Variants in LARP1 observed in about 807,000 individuals in gnomAD.
LARP1 encodes La ribonucleoprotein 1, translational regulator.
A neutral mutation model predicts 122.7 loss-of-function variants in LARP1; 36 were observed. The ratio of observed to expected loss-of-function variants is 0.29; its 90% confidence interval spans 0.22 to 0.39. LARP1 has a LOEUF of 0.39. Ranked by LOEUF, LARP1 falls within the 10% of genes least tolerant of loss-of-function variation. LARP1 has a pLI of 1.00. For missense variants in LARP1, 1,040 were observed against 1,403.6 expected (o/e 0.74, Z 4.14); for synonymous variants, 539 against 528.7 (o/e 1.02, Z -0.27).
At chr5:154,790,277 C>T (rs1221885376) in intron 1 of LARP1, 48 bp from the exon 2 acceptor site, 1 of 1,512,630 alleles carries the variant, frequency 6.6e-7, no homozygotes, top group Non-Finnish European at 9.1e-7. Flanking sequence ...GGCAGTAGCC[C>T]CCTCACATGG....
At chr5:154,722,330 C>T (rs1286736393) in intron 1 of LARP1, among the ~76,000 whole-genome samples, 4 of 152,142 alleles carry the variant, frequency 2.6e-5, no homozygotes, top group Non-Finnish European at 5.9e-5. Flanking sequence ...AATAGTGCAA[C>T]ACCAGGGAGC....
intron 3 of LARP1, 108 bp from the exon 4 acceptor site, chr5:154,792,514 A>C: frequency 1.0e-6 from 1 of 964,806 alleles, no homozygotes; most frequent in East Asian, 2.4e-5. Flanking sequence ...CCAGCCTGCC[A>C]TTGCATGCTG....
intron 8 of LARP1, among the ~76,000 whole-genome samples, chr5:154,796,121 TTA>T (rs1313936487): frequency 1.1e-4 from 11 of 104,246 alleles, no homozygotes; most frequent in East Asian, 2.5e-4. Context: ...AGTATATATA[TTA>T]TATATATTTT....
At chr5:154,704,186 T>C (rs1340852152) in intron 1 of LARP1, among the ~76,000 whole-genome samples, 1 of 152,212 alleles carries the variant, frequency 6.6e-6, no homozygotes, top group Non-Finnish European at 1.5e-5. Context: ...AATGGGTTAA[T>C]TACAAGTACG....
intron 3 of LARP1, 86 bp downstream of exon 3, chr5:154,790,796 C>A: frequency 8.6e-7 from 1 of 1,157,696 alleles, no homozygotes; most frequent in Non-Finnish European, 1.3e-6. Flanking sequence ...AGCCTCAGCT[C>A]TTACCTTTCT....
chr5:154,693,781 G>A (rs1754337384), intron 1 of LARP1, among the ~76,000 whole-genome samples: 1 of 151,512 alleles, frequency 6.6e-6, no homozygotes, highest in African/African-American at 2.4e-5. Flanking sequence ...GCGTGAACTG[G>A]AGAGGCGGAG....
intron 15 of LARP1, among the ~76,000 whole-genome samples, chr5:154,806,383 T>C (rs1274532099): frequency 6.6e-6 from 1 of 152,206 alleles, no homozygotes; most frequent in Admixed American, 6.5e-5. Flanking sequence ...TGACATATGC[T>C]CTCTAGAACA....
In LARP1 at chr5:154,814,575, G is replaced by C. The variant is rs1759543056; in HGVS notation, c.*479G>C. The C allele has an allele frequency of 6.6e-6, 1 of 152,584 alleles. No homozygotes were observed. The highest frequency in any genetic ancestry group is 1.5e-5 in the Non-Finnish European group (1 of 68,096). The allele number at this position is 152,584 out of a possible 1,614,324, so 9.5% of individuals were successfully genotyped here. A position where few individuals can be genotyped will look rare whatever the true frequency, so the allele number is the denominator to read the frequency against. On this transcript the variant is annotated 3_prime_UTR_variant, in exon 19 of 19. Coordinates refer to ENST00000518297, the MANE Select transcript of LARP1 (RefSeq NM_033551.3). ...CAGCACTGTCTCATAGAAGGCTCTG[G>C]TGGTACCTCTGGGCCCCAGGAGCAT...
In LARP1 at chr5:154,805,570, C is replaced by T. The variant is rs1404083892; in HGVS notation, c.2547-311C>T. 2.6e-5 allele frequency among the ~76,000 whole-genome samples: 4 copies of T among 152,318 alleles called. No homozygotes were observed. The East Asian group carries it at 5.8e-4, about 22-fold the overall frequency. ...TGATGGCTCATTAAAAGGTTAAATG[C>T]TTAAAGTTAATAAATGGTTAAAAGC... On this transcript the variant is annotated intron_variant, in intron 14 of 18. Transcript: ENST00000518297.
intron 15 of LARP1, 116 bp from the exon 16 acceptor site, chr5:154,808,343 G>T: frequency 8.0e-7 from 1 of 1,248,922 alleles, no homozygotes; most frequent in East Asian, 2.4e-5. Context: ...GATGATGAGT[G>T]AGGGGATTTG....
Position 154,811,231 on chromosome 5 carries a change from G to T in LARP1, c.2844-16G>T. 2.5e-6 allele frequency: 4 copies of T among 1,601,242 alleles called. No individual in the cohort carries two copies. The South Asian group carries it at 4.4e-5, about 18-fold the overall frequency. On this transcript the variant is annotated splice_polypyrimidine_tract_variant and intron_variant, in intron 16 of 18. Transcript: ENST00000518297. ...ATGAAGAAACTGCCCTGATTTCACT[G>T]ACTTGTGTTCTACAGATATGGTTTG...
intron 1 of LARP1, among the ~76,000 whole-genome samples, chr5:154,735,793 A>ACTCCTGAC (rs1756862415): frequency 6.6e-6 from 1 of 151,230 alleles, no homozygotes; most frequent in Admixed American, 6.6e-5. Context: ...CTGGTCTCAA[A>ACTCCTGAC]CTCCTGACCT....
chr5:154,795,951 TA>T (rs1757744533), intron 8 of LARP1, among the ~76,000 whole-genome samples: 1 of 100,906 alleles, frequency 9.9e-6, no homozygotes, highest in Non-Finnish European at 1.9e-5. Flanking sequence ...ATTTATATAT[TA>T]TATATATTTT....
At chr5:154,794,482 C>A (rs895058483) in intron 7 of LARP1, among the ~76,000 whole-genome samples, 1 of 152,186 alleles carries the variant, frequency 6.6e-6, no homozygotes, top group African/African-American at 2.4e-5. Flanking sequence ...AGAAACTATA[C>A]CATTACAAAA....
Position 154,794,196 on chromosome 5 carries a change from A to G in LARP1, c.1166A>G (p.Asn389Ser). 3.7e-6 allele frequency: 6 copies of G among 1,614,168 alleles called. No individual in the cohort carries two copies. The Middle Eastern group carries it at 4.9e-4, about 133-fold the overall frequency. Residue 389 changes from asparagine to serine, a missense_variant, in exon 7 of 19, where the codon AAT (asparagine) becomes AGT (serine). Around this residue, in one of 8 missense-constraint regions of LARP1, gnomAD observed 362 missense variants for 533.1 expected, o/e 0.68. Transcript: ENST00000518297. Reference protein sequence around the residue: ...YMNNITYYFDNVSSTELYSVD... With the variant: ...YMNNITYYFDSVSSTELYSVD... ...AACAACATCACCTACTACTTTGACA[A>G]TGTCAGCAGCACCGAGCTTTACAGT...
At chr5:154,813,767 G>A in intron 18 of LARP1, 120 bp from the exon 19 acceptor site, 1 of 841,922 alleles carries the variant, frequency 1.2e-6, no homozygotes, top group Non-Finnish European at 2.0e-6. Flanking sequence ...TATTTTTAAG[G>A]TTAAACCCAT....
chr5:154,701,881 A>G (rs1754740205), intron 1 of LARP1, among the ~76,000 whole-genome samples: 1 of 152,140 alleles, frequency 6.6e-6, no homozygotes, highest in Non-Finnish European at 1.5e-5. Context: ...TCGGCCTTCC[A>G]AAGTGCTGAG....
upstream of LARP1, among the ~76,000 whole-genome samples, chr5:154,709,130 C>A (rs118019350): frequency 6.6e-6 from 1 of 152,206 alleles, no homozygotes; most frequent in Non-Finnish European, 1.5e-5. Flanking sequence ...ACCTTTTGAA[C>A]TGCAGCCTCT....
chr5:154,799,617 G>A lies in LARP1; in HGVS notation c.1404G>A (p.Glu468=). ...CCCTAAAGGACAGCAAGGTGGTGGA[G>A]ATCGTTGATGAGAAAGTTCGTAGGA... ...FAALKDSKVV[E]IVDEKVRRRE... is the part of the protein sequence containing the mutation. Residue 468 remains glutamate, a synonymous_variant, in exon 9 of 19, where the codon GAG becomes GAA. Transcript: ENST00000518297. 1 of 1,614,186 alleles carries A rather than the reference G, an allele frequency of 6.2e-7. No homozygotes were observed. The highest frequency in any genetic ancestry group is 8.5e-7 in the Non-Finnish European group (1 of 1,180,030).
Sources: gnomAD v4.1 joint callset for allele counts (sites outside exome capture counted in the v4.1 genomes callset) on GRCh38, gnomAD v4.1.1 for gene constraint, gnomAD v4.1.1 regional missense constraint, MANE v1.5 for transcripts, NCBI Gene and HGNC (gene_info 2026-07-23, HGNC 2026-07-21) for gene names.